The following DAPK1 variants were observed in gnomAD, a reference collection of about 807,000 sequenced individuals.
DAPK1 encodes the protein death associated protein kinase 1.
A neutral mutation model predicts 144.9 loss-of-function variants in DAPK1; 56 were observed. The ratio of observed to expected loss-of-function variants is 0.39; its 90% CI spans 0.31 to 0.48. The LOEUF is 0.48. Among genes scored for constraint, DAPK1 ranks in the 20% least tolerant of loss-of-function variants. DAPK1 has a pLI of 0.95. For synonymous variants in DAPK1, 690 were observed against 749.0 expected, an observed-to-expected ratio of 0.92 and a Z score of 1.29; for missense variants, 1,454 against 1,875.4, an observed-to-expected ratio of 0.78 and a Z score of 4.15.
intron 2 of DAPK1, among the ~76,000 whole-genome samples, chr9:87,504,641 G>A (rs1053953737): frequency 1.3e-5 from 2 of 152,142 alleles, no homozygotes; most frequent in Non-Finnish European, 2.9e-5. Flanking sequence ...CTACAGAGAT[G>A]GATGTCCAGA....
intron 2 of DAPK1, among the ~76,000 whole-genome samples, chr9:87,567,492 G>T (rs1827171276): frequency 6.6e-6 from 1 of 152,186 alleles, no homozygotes; most frequent in African/African-American, 2.4e-5. Context: ...GTTAGAGAAA[G>T]ACCAGGTGTG....
At chr9:87,516,346 C>A (rs1433290527) in intron 2 of DAPK1, among the ~76,000 whole-genome samples, 1 of 152,146 alleles carries the variant, frequency 6.6e-6, no homozygotes, top group Non-Finnish European at 1.5e-5. Context: ...CCAGCGGGCC[C>A]GTTCTCCCTG....
At chr9:87,552,315 A>T (rs1826522257) in intron 2 of DAPK1, among the ~76,000 whole-genome samples, 1 of 113,134 alleles carries the variant, frequency 8.8e-6, no homozygotes, top group Admixed American at 8.5e-5. Flanking sequence ...CGCTGACCCC[A>T]TCTTAAAGAG....
At chr9:87,498,863 T>C (rs1379820852) in intron 1 of DAPK1, 107 bp from the exon 2 acceptor site, 3 of 519,570 alleles carry the variant, frequency 5.8e-6, no homozygotes, top group African/African-American at 5.7e-5. Context: ...GAGGGGCAGC[T>C]CCGGAGACCC....
At chr9:87,652,238 G>C (rs1419042933) in intron 17 of DAPK1, among the ~76,000 whole-genome samples, 23 of 126,096 alleles carry the variant, frequency 1.8e-4, no homozygotes, top group East Asian at 1.1e-3. Context: ...CCTCCCACCT[G>C]ATCCCAGGTC....
chr9:87,549,143 G>A (rs139932969), intron 2 of DAPK1, among the ~76,000 whole-genome samples: 38 of 151,946 alleles, frequency 2.5e-4, no homozygotes, highest in African/African-American at 6.8e-4. Flanking sequence ...CCCTGTGTCC[G>A]TGTGTTCTCA....
chr9:87,625,356 TC>T (rs1408729499), intron 3 of DAPK1, among the ~76,000 whole-genome samples: 1 of 152,180 alleles, frequency 6.6e-6, no homozygotes, highest in African/African-American at 2.4e-5. Flanking sequence ...AACAACAGGC[TC>T]CCCAGGGGAG....
chr9:87,575,581 CA>C (rs1350236900), intron 2 of DAPK1, among the ~76,000 whole-genome samples: 1 of 152,094 alleles, frequency 6.6e-6, no homozygotes, highest in East Asian at 1.9e-4. Flanking sequence ...ATGGAGGTTA[CA>C]AAGGAGTAAT....
intron 23 of DAPK1, among the ~76,000 whole-genome samples, chr9:87,699,912 A>G (rs1303096629): frequency 6.6e-6 from 1 of 152,140 alleles, no homozygotes; most frequent in Admixed American, 6.5e-5. Flanking sequence ...TATGACTCAG[A>G]CTATATGCCA....
intron 3 of DAPK1, chr9:87,632,235 G>T: frequency 1.0e-6 from 1 of 980,014 alleles, no homozygotes; most frequent in Non-Finnish European, 1.2e-6. Context: ...AGGAGGATCG[G>T]TATATATAGG....
intron 2 of DAPK1, among the ~76,000 whole-genome samples, chr9:87,510,252 C>G (rs1025987580): frequency 6.6e-6 from 1 of 152,180 alleles, no homozygotes. Flanking sequence ...CAGGAAGTCC[C>G]TTGGTTTTGT....
At chr9:87,547,818 C>T (rs913255705) in intron 2 of DAPK1, among the ~76,000 whole-genome samples, 3 of 152,218 alleles carry the variant, frequency 2.0e-5, no homozygotes, top group Non-Finnish European at 2.9e-5. Context: ...CCACCCACCC[C>T]TATTAGGGAG....
rs199838944 is a variant in DAPK1 at position 87,668,607 on chromosome 9, C to T, written c.1934C>T (p.Thr645Met). The T allele has an allele frequency of 1.7e-5, 24 of 1,427,696 alleles. No individual in the cohort carries two copies. Among genetic ancestry groups the T allele is most frequent in the Admixed American group, 1.3e-4 (8 of 59,792 alleles). The allele number at this position is 1,427,696 out of a possible 1,614,324, so 88.4% of individuals were successfully genotyped here. A position where few individuals can be genotyped will look rare whatever the true frequency, so the allele number is the denominator to read the frequency against. ...ATTTTTCTCCAACAGGACGGAAAGACGGCAGAAGATCTTGCTAGATCGGAA... is the reference window on the plus strand; with the variant it reads ...ATTTTTCTCCAACAGGACGGAAAGATGGCAGAAGATCTTGCTAGATCGGAA... ...SVEALTTDGKTAEDLARSEQH... is the reference protein window; with the variant it reads ...SVEALTTDGKMAEDLARSEQH... Residue 645 changes from threonine to methionine, a missense_variant, in exon 19 of 26, where the codon ACG becomes ATG. By Grantham distance (81) the Thr-to-Met change is moderately conservative. Transcript: ENST00000408954.
chr9:87,589,212 ACAGAG>A (rs1320281152), intron 2 of DAPK1, among the ~76,000 whole-genome samples: 1 of 151,972 alleles, frequency 6.6e-6, no homozygotes, highest in Non-Finnish European at 1.5e-5. Flanking sequence ...ACCGGCCAGT[ACAGAG>A]CATCTTAAGG....
intron 3 of DAPK1, among the ~76,000 whole-genome samples, chr9:87,635,076 A>G (rs766671146): frequency 1.1e-4 from 17 of 152,096 alleles, no homozygotes; most frequent in Non-Finnish European, 2.1e-4. Flanking sequence ...GATTTGAACC[A>G]TGGTCCCCTC....
At chr9:87,601,958 C>T (rs765665266) in intron 2 of DAPK1, among the ~76,000 whole-genome samples, 2 of 152,136 alleles carry the variant, frequency 1.3e-5, no homozygotes, top group Non-Finnish European at 1.5e-5. Flanking sequence ...TAGGTCTGCA[C>T]CCAGGGCCTC....
At chr9:87,518,613 G>T (rs575058047) in intron 2 of DAPK1, among the ~76,000 whole-genome samples, 11 of 152,256 alleles carry the variant, frequency 7.2e-5, no homozygotes, top group African/African-American at 2.6e-4. Context: ...AATGACTGTA[G>T]ACTATGCCAA....
chr9:87,700,601 C>T (rs1825423994), intron 24 of DAPK1, among the ~76,000 whole-genome samples: 1 of 152,120 alleles, frequency 6.6e-6, no homozygotes, highest in Non-Finnish European at 1.5e-5. Flanking sequence ...AGGGCTCAAG[C>T]AATCTGTCCA....
intron 19 of DAPK1, among the ~76,000 whole-genome samples, chr9:87,674,039 T>C (rs1824271216): frequency 6.6e-6 from 1 of 152,144 alleles, no homozygotes; most frequent in Non-Finnish European, 1.5e-5. Context: ...ACCCCTTCTA[T>C]GGGAAAGGGG....
Sources: gnomAD v4.1 joint callset for allele counts (sites outside exome capture counted in the v4.1 genomes callset) on GRCh38, gnomAD v4.1.1 for gene constraint, MANE v1.5 for transcripts, NCBI Gene and HGNC (gene_info 2026-07-23, HGNC 2026-07-21) for gene names.